The following HTT variants were observed in gnomAD, a reference collection of about 807,000 sequenced individuals.
The protein encoded by HTT is huntington disease protein.
Under a neutral mutation model 362.3 loss-of-function variants are expected in HTT, and 104 were observed. That is an observed-to-expected ratio of 0.29 (90% CI 0.24 to 0.34). The LOEUF (loss-of-function observed/expected upper bound fraction) is 0.34. Among genes scored for constraint, HTT ranks in the 10% least tolerant of loss-of-function variants. HTT has a pLI of 1.00. For synonymous variants in HTT, 1,577 were observed against 1,548.7 expected (o/e 1.02, Z -0.43); for missense variants, 3,301 against 3,928.6 (o/e 0.84, Z 4.27).
intron 29 of HTT, among the ~76,000 whole-genome samples, chr4:3,165,474 G>C (rs2110223610): frequency 6.6e-6 from 1 of 152,234 alleles, no homozygotes; most frequent in East Asian, 1.9e-4. Flanking sequence ...CTAGGTTGGG[G>C]AAGTTCTCCT....
At chr4:3,119,510 A>G (rs1715192584) in intron 8 of HTT, among the ~76,000 whole-genome samples, 1 of 152,196 alleles carries the variant, frequency 6.6e-6, no homozygotes, top group Non-Finnish European at 1.5e-5. Context: ...ATATTTCATT[A>G]TTGCAGTGAA....
At chr4:3,140,780 G>A in intron 22 of HTT, 124 bp downstream of exon 22, 1 of 859,380 alleles carries the variant, frequency 1.2e-6, no homozygotes, top group Non-Finnish European at 1.8e-6. Flanking sequence ...ATGTTTGAGT[G>A]TAGGTCAGTC....
chr4:3,087,126 GA>G, intron 2 of HTT, 104 bp downstream of exon 2: 3 of 612,048 alleles, frequency 4.9e-6, no homozygotes, highest in South Asian at 2.6e-5. Context: ...AATGGATTCA[GA>G]AATCCATTTA....
chr4:3,096,204 C>T lies in HTT; in HGVS notation c.348-3070C>T, dbSNP rs574722668. 1.1e-4 allele frequency among the ~76,000 whole-genome samples: 16 copies of T among 152,276 alleles called. 1 individual carries two copies. The highest frequency in any genetic ancestry group is 4.1e-4 in the South Asian group (2 of 4,820). On this transcript the variant is annotated intron_variant, in intron 2 of 66. Coordinates refer to ENST00000355072, the MANE Select transcript of HTT (RefSeq NM_001388492.1). ...ATAGCAAGCTGAAATGTTTATGCAC[C>T]GGACTACAGAGCTAAAATACATGAA...
At chr4:3,199,606 G>A in intron 40 of HTT, 126 bp from the exon 41 acceptor site, 1 of 712,972 alleles carries the variant, frequency 1.4e-6, no homozygotes, top group Non-Finnish European at 2.3e-6. Context: ...TAAATGCCAG[G>A]TGTTCTGAAT....
Position 3,105,436 on chromosome 4 carries a change from G to T in HTT, c.608G>T (p.Arg203Met). 6.2e-7 allele frequency: 1 copy of T among 1,609,096 alleles called. No homozygotes were observed. Among genetic ancestry groups the T allele is most frequent in the Non-Finnish European group, 8.5e-7 (1 of 1,175,404 alleles). The change falls in exon 5 of 67, where the codon AGG becomes ATG. Residue 203 changes from arginine to methionine, a missense_variant and splice_region_variant. By Grantham distance (91) the Arg-to-Met change is moderately conservative. Transcript: ENST00000355072. ...CACCTGGTTCGGCCTCAGAAATGCA[G>T]GTAAGTTGTACACTCTGGATGTTGG... is the stretch of plus-strand genomic sequence containing the variant. ...LAHLVRPQKCRPYLVNLLPCL... is the reference protein window; with the variant it reads ...LAHLVRPQKCMPYLVNLLPCL...
intron 40 of HTT, among the ~76,000 whole-genome samples, chr4:3,194,869 A>G (rs1719173861): frequency 6.6e-6 from 1 of 152,216 alleles, no homozygotes; most frequent in Non-Finnish European, 1.5e-5. Flanking sequence ...TGGGGAAAGG[A>G]CAGGGCTACT....
At chr4:3,138,866 G>T (rs1402885656) in intron 21 of HTT, among the ~76,000 whole-genome samples, 2 of 152,154 alleles carry the variant, frequency 1.3e-5, no homozygotes, top group Non-Finnish European at 2.9e-5. Flanking sequence ...ACCTGCCTTG[G>T]CCTTCCAAAG....
At chr4:3,164,649 G>T (rs1717610955) in intron 29 of HTT, among the ~76,000 whole-genome samples, 1 of 152,168 alleles carries the variant, frequency 6.6e-6, no homozygotes, top group African/African-American at 2.4e-5. Context: ...TCTTCTTGTT[G>T]AATTGATCCC....
intron 21 of HTT, among the ~76,000 whole-genome samples, chr4:3,138,193 G>T (rs75869660): frequency 0.083 from 11,905 of 142,738 alleles, 600 homozygotes; most frequent in African/African-American, 0.16. Context: ...CTGCCTGCCT[G>T]CCTGCCTTCC....
At chr4:3,186,777 A>C in intron 38 of HTT, 58 bp downstream of exon 38, 1 of 1,546,892 alleles carries the variant, frequency 6.5e-7, no homozygotes, top group Non-Finnish European at 8.8e-7. Flanking sequence ...GGCTCTGATT[A>C]CTGGGACCAC....
At chr4:3,140,684 T>C in intron 22 of HTT, 28 bp downstream of exon 22, 3 of 1,604,552 alleles carry the variant, frequency 1.9e-6, no homozygotes, top group Non-Finnish European at 2.6e-6. Context: ...CATCTTCACA[T>C]TGTCGGGAAA....
rs752910544 is a variant in HTT at position 3,142,903 on chromosome 4, A to T, written c.3066+17A>T. ...GCACTCACAGTAAGTCTCTTTCTTGATCGGTCTTACTGACATTGTAATAGT... is the reference window on the plus strand; with the variant it reads ...GCACTCACAGTAAGTCTCTTTCTTGTTCGGTCTTACTGACATTGTAATAGT... On this transcript the variant is annotated intron_variant, in intron 23 of 66. Coordinates refer to ENST00000355072, the MANE Select transcript of HTT (RefSeq NM_001388492.1). 6.2e-7 allele frequency: 1 copy of T among 1,609,870 alleles called. No individual in the cohort carries two copies. Among genetic ancestry groups the T allele is most frequent in the Non-Finnish European group, 8.5e-7 (1 of 1,176,934 alleles).
intron 8 of HTT, among the ~76,000 whole-genome samples, chr4:3,118,146 TG>T (rs1715121756): frequency 6.6e-6 from 1 of 152,248 alleles, no homozygotes; most frequent in Admixed American, 6.5e-5. Flanking sequence ...TTCTCTTCTC[TG>T]TATTTCCTGT....
At chr4:3,094,664 G>A (rs1278891344) in intron 2 of HTT, among the ~76,000 whole-genome samples, 2 of 127,788 alleles carry the variant, frequency 1.6e-5, no homozygotes, top group Admixed American at 7.4e-5. Context: ...GTGGCCGGGC[G>A]GGGGCTGCCC....
intron 28 of HTT, among the ~76,000 whole-genome samples, chr4:3,158,457 C>G (rs1303519903): frequency 6.6e-6 from 1 of 152,130 alleles, no homozygotes; most frequent in Non-Finnish European, 1.5e-5. Flanking sequence ...GATGTTAAGT[C>G]ACCCTGTCCA....
At chr4:3,211,575 G>A (rs1000419652) in intron 47 of HTT, among the ~76,000 whole-genome samples, 6 of 152,282 alleles carry the variant, frequency 3.9e-5, no homozygotes, top group African/African-American at 4.8e-5. Flanking sequence ...GGTGGTTGGT[G>A]TATCACTGAG....
intron 6 of HTT, among the ~76,000 whole-genome samples, chr4:3,112,480 C>A (rs1311120651): frequency 1.3e-5 from 2 of 152,188 alleles, no homozygotes; most frequent in Non-Finnish European, 2.9e-5. Flanking sequence ...ATTCCAGAGT[C>A]TGTTTTTAAA....
chr4:3,146,712 T>C (rs1378960463), intron 24 of HTT, 85 bp from the exon 25 acceptor site: 1 of 1,224,518 alleles, frequency 8.2e-7, no homozygotes, highest in African/African-American at 1.5e-5. Flanking sequence ...GTGACATGCC[T>C]TCCTCTTGGA....
Sources: gnomAD v4.1 joint callset for allele counts (sites outside exome capture counted in the v4.1 genomes callset) on GRCh38, gnomAD v4.1.1 for gene constraint, MANE v1.5 for transcripts, NCBI Gene and HGNC (gene_info 2026-07-23, HGNC 2026-07-21) for gene names.